Variants in OSBPL9 observed in about 807,000 individuals in gnomAD.
OSBPL9 encodes oxysterol-binding protein-related protein 9.
A neutral mutation model predicts 106.6 loss-of-function variants in OSBPL9; 40 were observed. That is an observed-to-expected ratio of 0.38 (90% CI 0.29 to 0.49). The LOEUF is 0.49. OSBPL9 is among the 20% of genes least tolerant of loss of function. OSBPL9 has a pLI of 0.97. For missense variants in OSBPL9, 609 were observed against 887.2 expected, an observed-to-expected ratio of 0.69 and a Z score of 3.98; for synonymous variants, 269 against 295.4, an observed-to-expected ratio of 0.91 and a Z score of 0.92.
the OSBPL9 span, among the ~76,000 whole-genome samples, chr1:51,546,558 A>C: frequency 6.6e-6 from 1 of 152,006 alleles, no homozygotes; most frequent in Non-Finnish European, 1.5e-5. Flanking sequence ...TTAGCTAGGC[A>C]TGATGAAGGG....
the OSBPL9 span, among the ~76,000 whole-genome samples, chr1:51,533,107 T>A: frequency 2.0e-5 from 3 of 152,112 alleles, no homozygotes; most frequent in Non-Finnish European, 2.9e-5. Flanking sequence ...AAAAAAATCA[T>A]AGTATTAAGA....
chr1:51,763,346 TTC>T (rs1429288112), intron 11 of OSBPL9, among the ~76,000 whole-genome samples: 1 of 152,202 alleles, frequency 6.6e-6, no homozygotes, highest in East Asian at 1.9e-4. Context: ...TCTTTATTTT[TTC>T]TCTGTTTTAC....
intron 3 of OSBPL9, among the ~76,000 whole-genome samples, chr1:51,675,594 A>G (rs756395228): frequency 3.3e-5 from 5 of 152,116 alleles, no homozygotes; most frequent in Non-Finnish European, 7.3e-5. Context: ...CTTGGATCAT[A>G]CTAGGGTGGA....
At chr1:51,643,745 A>G (rs1645960267) in intron 1 of OSBPL9, among the ~76,000 whole-genome samples, 1 of 151,878 alleles carries the variant, frequency 6.6e-6, no homozygotes, top group Non-Finnish European at 1.5e-5. Context: ...TCCTGTGTGG[A>G]GAAAGGATTG....
At chr1:51,576,830 T>C (rs1002998211), upstream of OSBPL9, among the ~76,000 whole-genome samples, 6 of 152,320 alleles carry the variant, frequency 3.9e-5, no homozygotes, top group East Asian at 3.9e-4. Context: ...CCTGGTTAGA[T>C]AGGCATTTTT....
At chr1:51,734,072 T>A (rs1451721310) in intron 4 of OSBPL9, among the ~76,000 whole-genome samples, 1 of 152,246 alleles carries the variant, frequency 6.6e-6, no homozygotes, top group Non-Finnish European at 1.5e-5. Context: ...TGATAGTACC[T>A]GGCCATAATA....
At chr1:51,693,806 A>G (rs908791226) in intron 3 of OSBPL9, among the ~76,000 whole-genome samples, 1 of 152,228 alleles carries the variant, frequency 6.6e-6, no homozygotes, top group African/African-American at 2.4e-5. Flanking sequence ...ACTTGTTCCA[A>G]ACTATAGTCA....
chr1:51,589,883 A>G (rs1471442539), intron 1 of OSBPL9, among the ~76,000 whole-genome samples: 1 of 151,938 alleles, frequency 6.6e-6, no homozygotes, highest in Non-Finnish European at 1.5e-5. Context: ...AATAAAAATA[A>G]TTAGCTGGGC....
upstream of OSBPL9, among the ~76,000 whole-genome samples, chr1:51,575,900 T>C (rs1252490020): frequency 6.6e-6 from 1 of 152,236 alleles, no homozygotes; most frequent in African/African-American, 2.4e-5. Flanking sequence ...GAAATCTATA[T>C]AAACAAACTT....
At chr1:51,638,125 A>G (rs1045809566) in intron 1 of OSBPL9, among the ~76,000 whole-genome samples, 8 of 152,254 alleles carry the variant, frequency 5.3e-5, no homozygotes, top group Admixed American at 5.2e-4. Context: ...GACCCCCAAA[A>G]TCACCATTAC....
chr1:51,629,948 CA>C (rs530932807), intron 1 of OSBPL9, among the ~76,000 whole-genome samples: 15,799 of 143,356 alleles, frequency 0.11, 959 homozygotes, highest in Middle Eastern at 0.22. Flanking sequence ...TATTCCATCT[CA>C]AAAAAAAAAA....
chr1:51,540,810 T>C, the OSBPL9 span, among the ~76,000 whole-genome samples: 1 of 150,766 alleles, frequency 6.6e-6, no homozygotes, highest in African/African-American at 2.4e-5. Context: ...AATACAAAAA[T>C]TAGCCAGGTG....
At chr1:51,763,423 A>G (rs983636617) in intron 11 of OSBPL9, among the ~76,000 whole-genome samples, 1 of 152,192 alleles carries the variant, frequency 6.6e-6, no homozygotes, top group African/African-American at 2.4e-5. Flanking sequence ...TGTATGTTGA[A>G]TAACTTGTAG....
intron 2 of OSBPL9, among the ~76,000 whole-genome samples, chr1:51,611,743 TG>T (rs1041190687): frequency 4.6e-5 from 7 of 151,412 alleles, no homozygotes; most frequent in African/African-American, 1.5e-4. Flanking sequence ...GGTCAAGGGG[TG>T]GGGGGTGGAT....
At chr1:51,560,257 A>G in the OSBPL9 span, among the ~76,000 whole-genome samples, 1 of 152,212 alleles carries the variant, frequency 6.6e-6, no homozygotes, top group East Asian at 1.9e-4. Flanking sequence ...GCTCTGTTGT[A>G]CAGTGGGTGT....
the OSBPL9 span, among the ~76,000 whole-genome samples, chr1:51,570,151 C>A: frequency 2.6e-5 from 4 of 152,204 alleles, no homozygotes. Context: ...TTCTACCATA[C>A]AAAAATGCTG....
At chr1:51,749,513 TG>T in intron 7 of OSBPL9, 1 of 430,068 alleles carries the variant, frequency 2.3e-6, no homozygotes, top group Non-Finnish European at 4.8e-6. Context: ...GATGGGATTC[TG>T]CTATGTTGCC....
At chr1:51,597,252 T>C (rs1470663437) in intron 1 of OSBPL9, among the ~76,000 whole-genome samples, 1 of 152,098 alleles carries the variant, frequency 6.6e-6, no homozygotes, top group East Asian at 1.9e-4. Context: ...GTGGGAAGCC[T>C]TTAAAGGGAG....
intron 3 of OSBPL9, among the ~76,000 whole-genome samples, chr1:51,695,684 A>G (rs1401151484): frequency 6.6e-6 from 1 of 152,164 alleles, no homozygotes; most frequent in East Asian, 1.9e-4. Context: ...TTCCATTCTC[A>G]TTGCTGCTTT....
Sources: allele counts gnomAD v4.1 joint callset (sites outside exome capture counted in the v4.1 genomes callset), GRCh38; gene constraint gnomAD v4.1.1; transcripts MANE v1.5; gene names NCBI Gene and HGNC (gene_info 2026-07-23, HGNC 2026-07-21).